LINGO2: variants seen among roughly 807,000 people sequenced by gnomAD.
The protein encoded by LINGO2 is leucine rich repeat and Ig domain containing 2.
LINGO2 carries 14 observed loss-of-function variants against 30.6 expected under a neutral mutation model. The observed-to-expected ratio is 0.46, with a 90% CI of 0.30 to 0.72. The LOEUF (loss-of-function observed/expected upper bound fraction) is 0.72. Among genes scored for constraint, LINGO2 ranks in the 30% least tolerant of loss-of-function variants. The pLI is 0.07. For synonymous variants in LINGO2, 317 were observed against 288.5 expected (o/e 1.10, Z -1.00); for missense variants, 729 against 751.7 (o/e 0.97, Z 0.35).
intron 4 of LINGO2, among the ~76,000 whole-genome samples, chr9:28,206,580 T>G (rs542242952): frequency 6.6e-6 from 1 of 152,300 alleles, no homozygotes; most frequent in South Asian, 2.1e-4. Flanking sequence ...TATGGTTTTC[T>G]GCAATCTTGA....
chr9:29,058,130 TAAGAA>T, the LINGO2 span, among the ~76,000 whole-genome samples: 1 of 151,934 alleles, frequency 6.6e-6, no homozygotes, highest in Admixed American at 6.6e-5. Flanking sequence ...GTCAATAGAT[TAAGAA>T]AAGAGAGAAA....
At chr9:28,358,680 T>A (rs1820326388) in intron 3 of LINGO2, among the ~76,000 whole-genome samples, 1 of 152,072 alleles carries the variant, frequency 6.6e-6, no homozygotes, top group South Asian at 2.1e-4. Flanking sequence ...GAAACGGGGA[T>A]TATAGTGATG....
chr9:28,869,510 A>G, the LINGO2 span, among the ~76,000 whole-genome samples: 27 of 152,102 alleles, frequency 1.8e-4, no homozygotes. Context: ...TCAAGAGACA[A>G]TGTGTCTGAA....
At chr9:28,590,763 A>G (rs1824852508) in intron 1 of LINGO2, among the ~76,000 whole-genome samples, 1 of 152,144 alleles carries the variant, frequency 6.6e-6, no homozygotes, top group Non-Finnish European at 1.5e-5. Flanking sequence ...TTCCTCAGGG[A>G]TCTAGAACTA....
chr9:28,914,041 C>T, the LINGO2 span, among the ~76,000 whole-genome samples: 1 of 152,088 alleles, frequency 6.6e-6, no homozygotes. Flanking sequence ...ATTTATGCCA[C>T]TCTCACTTTC....
the LINGO2 span, among the ~76,000 whole-genome samples, chr9:28,871,284 C>T: frequency 6.6e-6 from 1 of 151,278 alleles, no homozygotes. Context: ...TAATAATCTG[C>T]TAATTGAAAA....
the LINGO2 span, among the ~76,000 whole-genome samples, chr9:29,135,482 C>A: frequency 6.6e-6 from 1 of 150,560 alleles, no homozygotes; most frequent in Non-Finnish European, 1.5e-5. Flanking sequence ...TGCTTGAACC[C>A]AGGAGATGGA....
chr9:28,710,715 T>C, the LINGO2 span, among the ~76,000 whole-genome samples: 1 of 152,100 alleles, frequency 6.6e-6, no homozygotes. Flanking sequence ...CTTCCAGGAA[T>C]CACCCCATTT....
the LINGO2 span, among the ~76,000 whole-genome samples, chr9:28,713,159 C>T: frequency 1.3e-5 from 2 of 152,206 alleles, no homozygotes; most frequent in Admixed American, 6.5e-5. Flanking sequence ...CCACTGTGCC[C>T]GGCCTCAATT....
chr9:28,026,042 A>T (rs1823359519), intron 4 of LINGO2, among the ~76,000 whole-genome samples: 1 of 152,092 alleles, frequency 6.6e-6, no homozygotes, highest in Non-Finnish European at 1.5e-5. Flanking sequence ...TGTTGCCTTT[A>T]CTTACTGTGT....
At chr9:28,832,473 A>T in the LINGO2 span, among the ~76,000 whole-genome samples, 1 of 152,140 alleles carries the variant, frequency 6.6e-6, no homozygotes, top group Non-Finnish European at 1.5e-5. Context: ...AGTATACAAT[A>T]ATTTCTGAAG....
intron 4 of LINGO2, among the ~76,000 whole-genome samples, chr9:28,294,887 C>T (rs748485243): frequency 1.3e-5 from 2 of 152,086 alleles, no homozygotes; most frequent in African/African-American, 2.4e-5. Flanking sequence ...CTCTAATGCA[C>T]CTTCAAAAGT....
the LINGO2 span, among the ~76,000 whole-genome samples, chr9:28,870,562 G>A: frequency 5.1e-3 from 775 of 152,094 alleles, 8 homozygotes; most frequent in African/African-American, 0.018. Flanking sequence ...TGGTTTATAC[G>A]TTTATCTGTC....
chr9:28,174,910 G>A (rs759362669), intron 4 of LINGO2, among the ~76,000 whole-genome samples: 3 of 139,366 alleles, frequency 2.2e-5, no homozygotes, highest in Admixed American at 7.2e-5. Flanking sequence ...GTGTGTGTGT[G>A]TGTGTGTGTG....
the LINGO2 span, among the ~76,000 whole-genome samples, chr9:29,009,007 T>A: frequency 6.6e-6 from 1 of 152,128 alleles, no homozygotes; most frequent in Non-Finnish European, 1.5e-5. Context: ...AAACTCTCAA[T>A]AAATTAGGTA....
chr9:28,085,438 G>A (rs1352327727), intron 4 of LINGO2, among the ~76,000 whole-genome samples: 1 of 152,014 alleles, frequency 6.6e-6, no homozygotes, highest in Non-Finnish European at 1.5e-5. Flanking sequence ...TTTTCTGAGG[G>A]CCTCTAGGGT....
At chr9:28,203,686 A>G (rs914526320) in intron 4 of LINGO2, among the ~76,000 whole-genome samples, 1 of 152,238 alleles carries the variant, frequency 6.6e-6, no homozygotes, top group Non-Finnish European at 1.5e-5. Context: ...ACAAAGCATT[A>G]GCACCAGTGG....
chr9:28,532,941 G>A (rs934179957), intron 1 of LINGO2, among the ~76,000 whole-genome samples: 4 of 152,012 alleles, frequency 2.6e-5, no homozygotes, highest in Non-Finnish European at 4.4e-5. Flanking sequence ...CCCTGTTGAT[G>A]ACATACTTGG....
At chr9:28,127,912 C>G (rs75684323) in intron 4 of LINGO2, among the ~76,000 whole-genome samples, 5,728 of 152,222 alleles carry the variant, frequency 0.038, 180 homozygotes, top group Admixed American at 0.082. Context: ...TATCTCTTGT[C>G]TCTGCTTATA....
Sources: allele counts gnomAD v4.1 joint callset (sites outside exome capture counted in the v4.1 genomes callset), GRCh38; gene constraint gnomAD v4.1.1; transcripts MANE v1.5; gene names NCBI Gene and HGNC (gene_info 2026-07-23, HGNC 2026-07-21).